The following COPB1 variants were observed in gnomAD, a reference collection of about 807,000 sequenced individuals.
COPB1 encodes the protein coatomer subunit beta.
COPB1 carries 21 observed loss-of-function variants against 108.7 expected under a neutral mutation model. The observed-to-expected ratio is 0.19, with a 90% CI of 0.14 to 0.28. COPB1 has a LOEUF of 0.28. COPB1 is among the 10% of genes least tolerant of loss of function. The pLI is 1.00. For missense variants in COPB1, 919 were observed against 1,141.3 expected (o/e 0.81, Z 2.81); for synonymous variants, 378 against 386.8 (o/e 0.98, Z 0.27).
chr11:14,490,907 A>G (rs1008208592), intron 4 of COPB1, among the ~76,000 whole-genome samples: 1 of 151,488 alleles, frequency 6.6e-6, no homozygotes, highest in South Asian at 2.1e-4. Flanking sequence ...CTCCTGCCTC[A>G]GCCTCCCGAG....
intron 18 of COPB1, among the ~76,000 whole-genome samples, chr11:14,463,800 C>G (rs1368826836): frequency 6.6e-6 from 1 of 152,208 alleles, no homozygotes; most frequent in Non-Finnish European, 1.5e-5. Flanking sequence ...TAAACCTAAT[C>G]TGGAAATCTG....
intron 20 of COPB1, among the ~76,000 whole-genome samples, chr11:14,459,531 G>A (rs970524536): frequency 6.6e-6 from 1 of 151,974 alleles, no homozygotes; most frequent in African/African-American, 2.4e-5. Context: ...CAACGATTCT[G>A]TATTTGAGCA....
At chr11:14,492,232 C>T (rs1020441549) in intron 4 of COPB1, among the ~76,000 whole-genome samples, 2 of 151,988 alleles carry the variant, frequency 1.3e-5, no homozygotes, top group East Asian at 1.9e-4. Flanking sequence ...TTCCAATTGT[C>T]CTATAAATGG....
At chr11:14,481,129 C>T in intron 8 of COPB1, 32 bp from the exon 9 acceptor site, 1 of 1,529,628 alleles carries the variant, frequency 6.5e-7, no homozygotes, top group Non-Finnish European at 9.0e-7. Flanking sequence ...AGAATTAACA[C>T]CAATCTTTCT....
In COPB1 at chr11:14,466,330, G is replaced by C; in HGVS notation, c.2242C>G (p.Gln748Glu). ...DIVLDVLVVN[Q>E]TSDTLQNCTL... is the part of the protein sequence containing the mutation. ...CAATTCTGCAAAGTATCACTGGTTT[G>C]GTTCACAACAAGTACATCCAGGACA... The change falls in exon 17 of 22, where the codon CAA becomes GAA. Residue 748 changes from glutamine to glutamate, a missense_variant. Gln to Glu is a conservative substitution (Grantham distance 29, BLOSUM62 2). Around this residue, in one of 5 missense-constraint regions of COPB1, gnomAD observed 705 missense variants for 817.8 expected, o/e 0.86. Coordinates refer to ENST00000439561, the MANE Select transcript of COPB1 (RefSeq NM_001144061.2). 6.2e-7 allele frequency: 1 copy of C among 1,613,546 alleles called. No homozygotes were observed. The highest frequency in any genetic ancestry group is 8.5e-7 in the Non-Finnish European group (1 of 1,179,756).
At chr11:14,466,500 A>C in intron 16 of COPB1, 74 bp from the exon 17 acceptor site, 4 of 1,465,158 alleles carry the variant, frequency 2.7e-6, no homozygotes, top group Non-Finnish European at 3.7e-6. Context: ...CCAAATGATT[A>C]AGTCTGGTAG....
intron 4 of COPB1, 74 bp from the exon 5 acceptor site, chr11:14,490,753 C>A: frequency 1.3e-6 from 1 of 749,108 alleles, no homozygotes; most frequent in Admixed American, 3.2e-5. Context: ...CTGGACAATA[C>A]CAAAATTAAA....
In COPB1 at chr11:14,460,350, C is replaced by T. The variant is rs1041415100; in HGVS notation, c.2557-53G>A. On this transcript the variant is annotated intron_variant, in intron 19 of 21. Coordinates refer to ENST00000439561, the MANE Select transcript of COPB1 (RefSeq NM_001144061.2). The stretch of plus-strand genomic sequence containing the variant: ...GATCATAAATCTTACTATGAGAAAG[C>T]TGTGAATCACCAGTATGTCATATTA... 7 of 1,124,494 alleles carry T rather than the reference C, an allele frequency of 6.2e-6. No individual in the cohort carries two copies. In the East Asian group the frequency reaches 1.4e-4, roughly 23 times the overall value. The allele number at this position is 1,124,494 out of a possible 1,614,324, so 69.7% of individuals were successfully genotyped here.
intron 4 of COPB1, among the ~76,000 whole-genome samples, chr11:14,492,775 T>C (rs899239994): frequency 6.6e-6 from 1 of 152,236 alleles, no homozygotes; most frequent in Non-Finnish European, 1.5e-5. Flanking sequence ...ATTGTAGTCC[T>C]TAATAAATTG....
intron 14 of COPB1, among the ~76,000 whole-genome samples, chr11:14,471,051 GA>G (rs1327013164): frequency 6.6e-6 from 1 of 151,700 alleles, no homozygotes; most frequent in Non-Finnish European, 1.5e-5. Context: ...AAAAAAAACA[GA>G]AGACTTAGAA....
At chr11:14,485,678 C>T (rs1050261266) in intron 7 of COPB1, among the ~76,000 whole-genome samples, 1 of 152,092 alleles carries the variant, frequency 6.6e-6, no homozygotes, top group African/African-American at 2.4e-5. Context: ...GAAACTCCAT[C>T]TCTACTAAAA....
intron 14 of COPB1, among the ~76,000 whole-genome samples, chr11:14,472,513 GTA>G (rs1850431493): frequency 6.6e-6 from 1 of 152,228 alleles, no homozygotes; most frequent in South Asian, 2.1e-4. Context: ...GTTACTGGTT[GTA>G]TTAGCCCTTA....
At chr11:14,496,425 T>C (rs1229970572) in intron 2 of COPB1, among the ~76,000 whole-genome samples, 1 of 151,958 alleles carries the variant, frequency 6.6e-6, no homozygotes, top group Non-Finnish European at 1.5e-5. Context: ...GAAAAAGAAA[T>C]TGAAGAAGTA....
intron 18 of COPB1, among the ~76,000 whole-genome samples, chr11:14,462,848 TTC>T (rs1225434560): frequency 6.6e-6 from 1 of 152,134 alleles, no homozygotes; most frequent in African/African-American, 2.4e-5. Flanking sequence ...ATACTCGAGG[TTC>T]TCTTATTTTC....
chr11:14,466,498 T>C, intron 16 of COPB1, 72 bp from the exon 17 acceptor site: 3 of 1,468,966 alleles, frequency 2.0e-6, no homozygotes, highest in Non-Finnish European at 2.8e-6. Flanking sequence ...GGCCAAATGA[T>C]TAAGTCTGGT....
At chr11:14,488,645 A>C in intron 5 of COPB1, 61 bp from the exon 6 acceptor site, 1 of 1,025,944 alleles carries the variant, frequency 9.7e-7, no homozygotes, top group African/African-American at 1.6e-5. Flanking sequence ...GACTTAATGC[A>C]TCTTAAAAAA....
At chr11:14,497,259 C>A (rs1238857637) in intron 2 of COPB1, among the ~76,000 whole-genome samples, 1 of 151,482 alleles carries the variant, frequency 6.6e-6, no homozygotes, top group African/African-American at 2.4e-5. Flanking sequence ...AGACAACCCA[C>A]AGAATGGGAG....
intron 2 of COPB1, among the ~76,000 whole-genome samples, chr11:14,496,806 A>G (rs887053690): frequency 1.2e-4 from 19 of 152,210 alleles, no homozygotes; most frequent in African/African-American, 4.6e-4. Flanking sequence ...ATTATCCTAC[A>G]TAGCTACAGT....
intron 2 of COPB1, among the ~76,000 whole-genome samples, chr11:14,494,881 A>G (rs1481329291): frequency 1.3e-5 from 2 of 152,238 alleles, no homozygotes; most frequent in East Asian, 3.8e-4. Flanking sequence ...GAGGATAAAT[A>G]TGTAACTTTT....
Sources: allele counts gnomAD v4.1 joint callset (sites outside exome capture counted in the v4.1 genomes callset), GRCh38; gene constraint gnomAD v4.1.1; regional missense constraint gnomAD v4.1.1; transcripts MANE v1.5; gene names NCBI Gene and HGNC (gene_info 2026-07-23, HGNC 2026-07-21).